FAAH2: variants seen among roughly 807,000 people sequenced by gnomAD.
FAAH2 encodes fatty acid amide hydrolase 2.
A neutral mutation model predicts 36.9 loss-of-function variants in FAAH2; 60 were observed. The ratio of observed to expected loss-of-function variants is 1.63; its 90% CI spans 1.32 to 2.02. The LOEUF is 2.02. Ranked by LOEUF, FAAH2 falls within the 30% of genes most tolerant of loss-of-function variation. FAAH2 has a pLI of 0.00. For missense variants in FAAH2, 689 were observed against 397.5 expected, an observed-to-expected ratio of 1.73 and a Z score of -6.23; for synonymous variants, 214 against 143.8, an observed-to-expected ratio of 1.49 and a Z score of -3.49.
At chrX:57,200,695 A>AT in the FAAH2 span, among the ~76,000 whole-genome samples, 1 of 111,020 alleles carries the variant, frequency 9.0e-6, no homozygotes, top group East Asian at 2.8e-4. Context: ...CCACTGTTTA[A>AT]TTTTTTTCAT....
At chrX:57,304,501 C>T (rs1044283766) in intron 2 of FAAH2, among the ~76,000 whole-genome samples, 1 of 111,612 alleles carries the variant, frequency 9.0e-6, no homozygotes, top group Admixed American at 9.6e-5. Flanking sequence ...GGCTGCTATG[C>T]CTTATGTCTC....
At chrX:57,237,486 A>G in the FAAH2 span, among the ~76,000 whole-genome samples, 5 of 111,254 alleles carry the variant, frequency 4.5e-5, no homozygotes, top group Non-Finnish European at 9.4e-5. Context: ...TATTTGTACT[A>G]GAAGTATTTG....
intron 10 of FAAH2, among the ~76,000 whole-genome samples, chrX:57,455,176 C>G (rs991537060): frequency 1.8e-5 from 2 of 111,569 alleles, no homozygotes; most frequent in African/African-American, 3.3e-5. Context: ...GAATTTTCAA[C>G]CAAGAATATC....
the FAAH2 span, among the ~76,000 whole-genome samples, chrX:57,264,944 A>T: frequency 8.9e-6 from 1 of 112,023 alleles, no homozygotes; most frequent in Non-Finnish European, 1.9e-5. Context: ...TCGCATTGGG[A>T]CTATTCAAAC....
At chrX:57,289,940 T>A (rs2146779180) in intron 1 of FAAH2, among the ~76,000 whole-genome samples, 1 of 110,976 alleles carries the variant, frequency 9.0e-6, no homozygotes, top group East Asian at 2.8e-4. Flanking sequence ...TTTCTAACGA[T>A]GTACCTAGTC....
At chrX:57,177,579 T>A in the FAAH2 span, among the ~76,000 whole-genome samples, 1 of 2,769 alleles carries the variant, frequency 3.6e-4, no homozygotes, top group Non-Finnish European at 8.3e-4. Flanking sequence ...AAAATTTAAA[T>A]ATATATATAT....
chrX:57,159,144 A>G, the FAAH2 span, among the ~76,000 whole-genome samples: 3 of 111,804 alleles, frequency 2.7e-5, no homozygotes, highest in African/African-American at 9.8e-5. Flanking sequence ...AAGATCAGAT[A>G]GTTGTAGATG....
intron 10 of FAAH2, among the ~76,000 whole-genome samples, chrX:57,488,302 G>C (rs1399442757): frequency 8.9e-6 from 1 of 111,819 alleles, no homozygotes; most frequent in Non-Finnish European, 1.9e-5. Context: ...AGTGTGAAAT[G>C]ATATTACAAA....
intron 5 of FAAH2, among the ~76,000 whole-genome samples, chrX:57,345,150 T>C (rs531606736): frequency 9.4e-6 from 1 of 106,329 alleles, no homozygotes; most frequent in East Asian, 3.0e-4. Context: ...ATAGTTTCAG[T>C]AGTATTGGTA....
the FAAH2 span, among the ~76,000 whole-genome samples, chrX:57,228,352 T>A: frequency 9.0e-6 from 1 of 111,329 alleles, no homozygotes; most frequent in East Asian, 2.8e-4. Context: ...TTCGCTGGGT[T>A]TGGCTCTCTA....
chrX:57,311,438 C>A (rs745535936), intron 3 of FAAH2, among the ~76,000 whole-genome samples: 2 of 111,897 alleles, frequency 1.8e-5, no homozygotes, highest in Non-Finnish European at 3.8e-5. Flanking sequence ...ATAGGGGAAC[C>A]CTTGTCGCCC....
At chrX:57,313,301 A>G (rs1251577226) in intron 3 of FAAH2, among the ~76,000 whole-genome samples, 1 of 110,301 alleles carries the variant, frequency 9.1e-6, no homozygotes, top group Non-Finnish European at 1.9e-5. Context: ...GAGAGAGAAT[A>G]ATCAACTTGG....
At chrX:57,460,924 G>T (rs924528014) in intron 10 of FAAH2, among the ~76,000 whole-genome samples, 2 of 111,098 alleles carry the variant, frequency 1.8e-5, no homozygotes, top group Non-Finnish European at 3.8e-5. Flanking sequence ...GTGCAAAGAC[G>T]CACATAGGCT....
chrX:57,472,591 A>G (rs2057190780), intron 10 of FAAH2, among the ~76,000 whole-genome samples: 1 of 111,546 alleles, frequency 9.0e-6, no homozygotes, highest in South Asian at 3.7e-4. Flanking sequence ...CTGACTGTGA[A>G]TCTGTCTGTT....
At chrX:57,267,554 C>T in the FAAH2 span, among the ~76,000 whole-genome samples, 62 of 112,480 alleles carry the variant, frequency 5.5e-4, no homozygotes, top group East Asian at 3.9e-3. Context: ...GGCTGCCTTG[C>T]CTCCACCACT....
chrX:57,401,328 A>G (rs1420548515), intron 7 of FAAH2, among the ~76,000 whole-genome samples: 1 of 111,109 alleles, frequency 9.0e-6, no homozygotes, highest in Non-Finnish European at 1.9e-5. Context: ...AGTCCAGGTG[A>G]GTTGAGACAT....
At chrX:57,373,960 A>G (rs2054610651) in intron 5 of FAAH2, among the ~76,000 whole-genome samples, 1 of 111,124 alleles carries the variant, frequency 9.0e-6, no homozygotes, top group Non-Finnish European at 1.9e-5. Context: ...TCCCAGCTTT[A>G]TTTGTTGAAT....
At chrX:57,487,215 T>A (rs1005726481) in intron 10 of FAAH2, among the ~76,000 whole-genome samples, 8 of 110,382 alleles carry the variant, frequency 7.2e-5, no homozygotes, top group Non-Finnish European at 1.1e-4. Context: ...CTTCATGACC[T>A]TGAGATAAAA....
intron 7 of FAAH2, chrX:57,393,466 G>A (rs190571612): frequency 4.3e-6 from 4 of 926,210 alleles, no homozygotes; most frequent in Non-Finnish European, 6.3e-6. Flanking sequence ...ACCCTTCTGG[G>A]CCAACAAGCT....
Sources: gnomAD v4.1 joint callset for allele counts (sites outside exome capture counted in the v4.1 genomes callset) on GRCh38, gnomAD v4.1.1 for gene constraint, MANE v1.5 for transcripts, NCBI Gene and HGNC (gene_info 2026-07-23, HGNC 2026-07-21) for gene names.